LMBR1: variants seen among roughly 807,000 people sequenced by gnomAD.
LMBR1 encodes the protein limb region 1 protein homolog.
In LMBR1, 52 loss-of-function variants were observed where a neutral mutation model predicts 73.9. The ratio of observed to expected loss-of-function variants is 0.70; its 90% CI spans 0.56 to 0.89. The LOEUF (loss-of-function observed/expected upper bound fraction) is 0.89. LMBR1 is among the 40% of genes least tolerant of loss of function. LMBR1 has a pLI of 0.00. For synonymous variants in LMBR1, 215 were observed against 209.4 expected (o/e 1.03, Z -0.23); for missense variants, 539 against 579.8 (o/e 0.93, Z 0.72).
At chr7:156,710,764 T>C (rs1395106636) in intron 15 of LMBR1, among the ~76,000 whole-genome samples, 1 of 152,166 alleles carries the variant, frequency 6.6e-6, no homozygotes, top group South Asian at 2.1e-4. Context: ...TTAAAAGGTA[T>C]GAAACAAAAG....
intron 5 of LMBR1, among the ~76,000 whole-genome samples, chr7:156,780,507 G>C (rs1826940910): frequency 6.6e-6 from 1 of 152,070 alleles, no homozygotes; most frequent in African/African-American, 2.4e-5. Context: ...ACATAATTCT[G>C]AATTTGGGAA....
At chr7:156,727,844 G>T (rs1816074034) in intron 12 of LMBR1, 86 bp downstream of exon 12, 1 of 845,806 alleles carries the variant, frequency 1.2e-6, no homozygotes, top group East Asian at 2.6e-5. Flanking sequence ...AAAGGTGAAT[G>T]TTTTCATTTG....
intron 5 of LMBR1, 92 bp from the exon 6 acceptor site, chr7:156,763,887 T>C: frequency 1.0e-6 from 1 of 983,344 alleles, no homozygotes; most frequent in Non-Finnish European, 1.4e-6. Flanking sequence ...AAATAATCCC[T>C]TGGAAGGAGA....
chr7:156,856,903 T>C (rs930083357), intron 1 of LMBR1, among the ~76,000 whole-genome samples: 6 of 152,168 alleles, frequency 3.9e-5, no homozygotes, highest in African/African-American at 1.2e-4. Flanking sequence ...TATTCTCTCA[T>C]AATGTACCTG....
At chr7:156,706,445 T>C (rs943900971) in intron 15 of LMBR1, among the ~76,000 whole-genome samples, 1 of 152,224 alleles carries the variant, frequency 6.6e-6, no homozygotes, top group Non-Finnish European at 1.5e-5. Context: ...GCAGAATTTA[T>C]GTTCTACTCA....
intron 3 of LMBR1, among the ~76,000 whole-genome samples, chr7:156,829,893 C>T (rs1836369487): frequency 1.3e-5 from 2 of 152,158 alleles, no homozygotes; most frequent in African/African-American, 2.4e-5. Flanking sequence ...AGCTGCTGAC[C>T]GGCCAAAAAT....
chr7:156,866,065 CA>C (rs74275049), intron 1 of LMBR1, among the ~76,000 whole-genome samples: 12,799 of 96,148 alleles, frequency 0.13, 566 homozygotes, highest in East Asian at 0.21. Flanking sequence ...TCTCAAAAGA[CA>C]AAAAAAAAAA....
At chr7:156,795,648 G>A (rs997027555) in intron 5 of LMBR1, among the ~76,000 whole-genome samples, 1 of 152,098 alleles carries the variant, frequency 6.6e-6, no homozygotes, top group South Asian at 2.1e-4. Context: ...CAACCTGCAG[G>A]CTCAAGCAAT....
At chr7:156,820,804 C>G (rs1480924762) in intron 4 of LMBR1, among the ~76,000 whole-genome samples, 1 of 152,182 alleles carries the variant, frequency 6.6e-6, no homozygotes, top group East Asian at 1.9e-4. Context: ...GGAGGGAAGG[C>G]TCTGCGGCAG....
At chr7:156,709,058 C>T (rs1325046331) in intron 15 of LMBR1, among the ~76,000 whole-genome samples, 1 of 152,176 alleles carries the variant, frequency 6.6e-6, no homozygotes, top group East Asian at 1.9e-4. Flanking sequence ...ACCTTGCCCC[C>T]AGCTGATGGT....
At chr7:156,773,956 C>T (rs1262633647) in intron 5 of LMBR1, among the ~76,000 whole-genome samples, 1 of 151,126 alleles carries the variant, frequency 6.6e-6, no homozygotes, top group Non-Finnish European at 1.5e-5. Context: ...ACAATATTTG[C>T]AAACTATGCA....
chr7:156,762,840 A>AGTTTGAGTGT (rs1554505656), intron 7 of LMBR1, among the ~76,000 whole-genome samples: 17 of 115,784 alleles, frequency 1.5e-4, no homozygotes, highest in South Asian at 6.4e-4. Context: ...AAAGTGTGTG[A>AGTTTGAGTGT]GTGTGAGTGT....
chr7:156,690,059 A>G (rs1215136821), intron 15 of LMBR1, among the ~76,000 whole-genome samples: 1 of 152,192 alleles, frequency 6.6e-6, no homozygotes, highest in Non-Finnish European at 1.5e-5. Flanking sequence ...AATTTTACAC[A>G]GCACGAAGTT....
At chr7:156,717,065 G>C (rs193161494) in intron 15 of LMBR1, among the ~76,000 whole-genome samples, 134 of 152,302 alleles carry the variant, frequency 8.8e-4, no homozygotes, top group African/African-American at 3.1e-3. Context: ...CTTGAGCCCA[G>C]AAGGTGGAGG....
At chr7:156,787,589 C>G (rs1006991035) in intron 5 of LMBR1, among the ~76,000 whole-genome samples, 1 of 152,182 alleles carries the variant, frequency 6.6e-6, no homozygotes, top group Non-Finnish European at 1.5e-5. Context: ...ATTTTTGAAA[C>G]TCTAATCTGC....
In LMBR1 at chr7:156,669,622, C is replaced by T. The variant is rs535201646; in HGVS notation, n.867-335G>A. Reference sequence around the variant, plus strand: ...AGCAGATAGGTCATTTTCAAGAGGGCGACCCACAGCCACGTGAACACTGGA... The same window carrying T: ...AGCAGATAGGTCATTTTCAAGAGGGTGACCCACAGCCACGTGAACACTGGA... On this transcript the variant is annotated intron_variant and non_coding_transcript_variant, in intron 4 of 4. Transcript: ENST00000430825. This position sits in a 1 kb window ranked among gnomAD's most constrained non-coding sequence, Gnocchi z 4.2. 3.3e-5 allele frequency among the ~76,000 whole-genome samples: 5 copies of T among 152,252 alleles called. No individual in the cohort carries two copies. The highest frequency in any genetic ancestry group is 4.1e-4 in the South Asian group (2 of 4,822).
chr7:156,881,880 G>A (rs1361235562), intron 1 of LMBR1, among the ~76,000 whole-genome samples: 4 of 151,452 alleles, frequency 2.6e-5, no homozygotes, highest in Non-Finnish European at 5.9e-5. Context: ...CACTTGGTGA[G>A]AATGCAAAAT....
At chr7:156,690,214 T>C (rs926338111) in intron 15 of LMBR1, among the ~76,000 whole-genome samples, 5 of 152,354 alleles carry the variant, frequency 3.3e-5, no homozygotes, top group Non-Finnish European at 7.3e-5. Flanking sequence ...TATATGTGTA[T>C]TTAATTATTT....
chr7:156,675,134 C>A (rs12697992), downstream of LMBR1, among the ~76,000 whole-genome samples: 85,428 of 152,108 alleles, frequency 0.56, 26,662 homozygotes, highest in African/African-American at 0.83. Context: ...GAGGCAGCGG[C>A]GACCCGAAGG....
Sources: allele counts gnomAD v4.1 joint callset (sites outside exome capture counted in the v4.1 genomes callset), GRCh38; gene constraint gnomAD v4.1.1; non-coding constraint Gnocchi (gnomAD v3.1); transcripts MANE v1.5; gene names NCBI Gene and HGNC (gene_info 2026-07-23, HGNC 2026-07-21).